EML6: variants seen among roughly 807,000 people sequenced by gnomAD.
The protein encoded by EML6 is EMAP like 6.
EML6 carries 154 observed loss-of-function variants against 240.1 expected under a neutral mutation model. The observed-to-expected ratio is 0.64, with a 90% confidence interval of 0.56 to 0.73. The LOEUF is 0.73. Among genes scored for constraint, EML6 ranks in the 30% least tolerant of loss-of-function variants. The pLI, the probability that EML6 is intolerant of heterozygous loss-of-function variation, is 0.00. For missense variants in EML6, 2,964 were observed against 2,474.6 expected, an observed-to-expected ratio of 1.20 and a Z score of -4.20; for synonymous variants, 1,148 against 899.0, an observed-to-expected ratio of 1.28 and a Z score of -4.95.
Position 54,970,285 on chromosome 2 carries a change from C to A in EML6, c.*190C>A. 1 of 625,546 alleles carries A rather than the reference C, an allele frequency of 1.6e-6. No individual in the cohort carries two copies. Among genetic ancestry groups the A allele is most frequent in the South Asian group, 1.9e-5 (1 of 52,912 alleles). The allele number at this position is 625,546 out of a possible 1,614,324, so 38.7% of individuals were successfully genotyped here. ...TCTGGACTCTCCAAAACCGTGATGC[C>A]ACGAAGGAAGGTCAAGTTTTAAAAT... is the stretch of plus-strand genomic sequence containing the variant. On this transcript the variant is annotated 3_prime_UTR_variant, in exon 42 of 42. Transcript: ENST00000356458.
In EML6 at chr2:54,794,245, G is replaced by A. The variant is rs202135207; in HGVS notation, c.198-18987G>A. 2.6e-5 allele frequency among the ~76,000 whole-genome samples: 4 copies of A among 152,182 alleles called. No homozygotes were observed. In the East Asian group the frequency reaches 5.8e-4, roughly 22 times the overall value. ...AGAGGCCTGTTGGCTTCTGGACTGTGCCATTACACTCAGCTGCCTATTCAT... is the reference window on the plus strand; with the variant it reads ...AGAGGCCTGTTGGCTTCTGGACTGTACCATTACACTCAGCTGCCTATTCAT... On this transcript the variant is annotated intron_variant, in intron 2 of 41. Coordinates refer to ENST00000356458, the MANE Select transcript of EML6 (RefSeq NM_001039753.4).
rs1682864370 is a variant in EML6 at position 54,725,348 on chromosome 2, C to A, written c.197+90C>A. 1 of 981,242 alleles carries A rather than the reference C, an allele frequency of 1.0e-6. No individual in the cohort carries two copies. The highest frequency in any genetic ancestry group is 3.2e-5 in the East Asian group (1 of 30,880). The allele number at this position is 981,242 out of a possible 1,614,324, so 60.8% of individuals were successfully genotyped here. A position where few individuals can be genotyped will look rare whatever the true frequency, so the allele number is the denominator to read the frequency against. On this transcript the variant is annotated intron_variant, in intron 2 of 41. Transcript: ENST00000356458. This position sits in a 1 kb window ranked among gnomAD's most constrained non-coding sequence, Gnocchi z 4.3. ...TTGACCTGGGGTCGGATCCGGGAGC[C>A]CCGTGGAATAGAGGATTCTCTCTGG...
chr2:54,916,503 T>A (rs1673916383), intron 25 of EML6, among the ~76,000 whole-genome samples: 1 of 131,086 alleles, frequency 7.6e-6, no homozygotes, highest in Non-Finnish European at 1.7e-5. Context: ...TACCTTATTA[T>A]TATCAAATTT....
intron 21 of EML6, among the ~76,000 whole-genome samples, chr2:54,896,909 A>G (rs1372063484): frequency 6.6e-6 from 1 of 152,220 alleles, no homozygotes; most frequent in Admixed American, 6.5e-5. Flanking sequence ...GTTAAAAACA[A>G]ACCTCGAAAG....
intron 14 of EML6, chr2:54,867,942 C>T (rs1044019185): frequency 1.3e-5 from 2 of 152,070 alleles, no homozygotes; most frequent in East Asian, 1.9e-4. Context: ...TTCTGTGGTC[C>T]TAAGACTCTA....
chr2:54,918,259 A>G lies in EML6; in HGVS notation c.3675+1324A>G, dbSNP rs562507339. Among the ~76,000 whole-genome samples the G allele has an allele frequency of 9.3e-4, 142 of 152,328 alleles. 1 individual carries two copies. Among genetic ancestry groups the G allele is most frequent in the African/African-American group, 3.4e-3 (140 of 41,574 alleles). On this transcript the variant is annotated intron_variant, in intron 26 of 41. Coordinates refer to ENST00000356458, the MANE Select transcript of EML6 (RefSeq NM_001039753.4). ...CTTTCACAATCCCGAGTTCTAAATC[A>G]TAGAAAAAAAGACAGACTGGAACAA... is the stretch of plus-strand genomic sequence containing the variant.
intron 5 of EML6, among the ~76,000 whole-genome samples, chr2:54,825,408 A>G (rs1668538327): frequency 6.6e-6 from 1 of 152,104 alleles, no homozygotes. Flanking sequence ...AAACTTTATT[A>G]CAGGTGTGTG....
Position 54,928,393 on chromosome 2 carries a change from G to T in EML6, c.3756G>T (p.Val1252=). The part of the protein sequence containing the change: ...TNVRWLHNDS[V]LLTVGGADTA... ...TGAGGTGGCTGCACAATGACTCTGT[G>T]CTGCTCACGGTGGGCGGCGCCGACA... Residue 1252 remains valine, a synonymous_variant, in exon 27 of 42, where the codon GTG becomes GTT. Coordinates refer to ENST00000356458, the MANE Select transcript of EML6 (RefSeq NM_001039753.4). 1 of 1,551,960 alleles carries T rather than the reference G, an allele frequency of 6.4e-7. No individual in the cohort carries two copies. Among genetic ancestry groups the T allele is most frequent in the Non-Finnish European group, 8.7e-7 (1 of 1,147,048 alleles).
chr2:54,867,753 G>C (rs1205671498), intron 14 of EML6: 1 of 151,824 alleles, frequency 6.6e-6, no homozygotes, highest in Non-Finnish European at 1.5e-5. Flanking sequence ...GTCCCAAAAG[G>C]GGAAAAAAAA....
chr2:54,853,799 T>C lies in EML6; in HGVS notation c.1601T>C (p.Val534Ala). The C allele has an allele frequency of 6.4e-7, 1 of 1,551,608 alleles. No individual in the cohort carries two copies. The highest frequency in any genetic ancestry group is 2.4e-5 in the East Asian group (1 of 40,918). Residue 534 changes from valine to alanine, a missense_variant, in exon 11 of 42, where the codon GTG (valine) becomes GCG (alanine). Physicochemically the swap from Val to Ala is moderately conservative, Grantham distance 64 (BLOSUM62 0). Transcript: ENST00000356458. ...VDANYNSSVL[V>A]SGDDFGLVKL... ...GCGAATTACAACAGCTCAGTGCTGG[T>C]GTCTGGAGATGATTTTGGACTGGTT...
chr2:54,804,213 T>C lies in EML6; in HGVS notation c.198-9019T>C, dbSNP rs777591549. Among the ~76,000 whole-genome samples the C allele has an allele frequency of 5.9e-5, 9 of 152,254 alleles. No individual in the cohort carries two copies. The South Asian group carries it at 8.3e-4, about 14-fold the overall frequency. On this transcript the variant is annotated intron_variant, in intron 2 of 41. Coordinates refer to ENST00000356458, the MANE Select transcript of EML6 (RefSeq NM_001039753.4). ...ATTCATTAATGACTTCTCTAAAGTA[T>C]TTAATCAGACATTACTGAAACACAT...
intron 25 of EML6, among the ~76,000 whole-genome samples, chr2:54,914,962 C>T (rs1000835556): frequency 3.9e-5 from 6 of 152,166 alleles, no homozygotes; most frequent in Non-Finnish European, 8.8e-5. Flanking sequence ...CTTCGGCTTC[C>T]TAAGCATGCT....
At chr2:54,903,581 G>A in intron 24 of EML6, 79 bp downstream of exon 24, 2 of 1,304,802 alleles carry the variant, frequency 1.5e-6, no homozygotes, top group Non-Finnish European at 2.1e-6. Flanking sequence ...TAGAGAGAAT[G>A]GCAGTTGAGT....
chr2:54,844,349 C>G (rs549894553), intron 8 of EML6, 101 bp downstream of exon 8: 20 of 903,900 alleles, frequency 2.2e-5, no homozygotes, highest in Non-Finnish European at 3.4e-5. Context: ...CAGAACCACA[C>G]AGTTTCCAAA....
At chr2:54,734,429 G>A (rs1683305492) in intron 2 of EML6, among the ~76,000 whole-genome samples, 1 of 152,252 alleles carries the variant, frequency 6.6e-6, no homozygotes, top group African/African-American at 2.4e-5. Context: ...GCTAGGCAAT[G>A]GCTGGTGGCC....
At chr2:54,728,977 C>G (rs1316321055) in intron 2 of EML6, among the ~76,000 whole-genome samples, 2 of 152,224 alleles carry the variant, frequency 1.3e-5, no homozygotes, top group Non-Finnish European at 2.9e-5. Flanking sequence ...CCGCACCCCT[C>G]CAATGGCATA....
At chr2:54,871,307 C>G (rs558021639) in intron 15 of EML6, among the ~76,000 whole-genome samples, 193 bp from the exon 16 acceptor site, 2 of 152,334 alleles carry the variant, frequency 1.3e-5, no homozygotes, top group South Asian at 4.1e-4. Context: ...ATTGCCAGGA[C>G]AAGCCTCTTA....
chr2:54,964,832 T>G, intron 38 of EML6, 99 bp downstream of exon 38: 1 of 1,129,056 alleles, frequency 8.9e-7, no homozygotes, highest in Non-Finnish European at 1.3e-6. Context: ...CCAGGCAATG[T>G]GCTAACTCAC....
intron 7 of EML6, among the ~76,000 whole-genome samples, chr2:54,833,901 C>G (rs998587484): frequency 2.6e-5 from 4 of 152,188 alleles, no homozygotes; most frequent in African/African-American, 9.7e-5. Context: ...GGCAGCAAAA[C>G]TTGACCTGAT....
Sources: allele counts gnomAD v4.1 joint callset (sites outside exome capture counted in the v4.1 genomes callset), GRCh38; gene constraint gnomAD v4.1.1; non-coding constraint Gnocchi (gnomAD v3.1); transcripts MANE v1.5; gene names NCBI Gene and HGNC (gene_info 2026-07-23, HGNC 2026-07-21).